MKNK1: variants seen among roughly 807,000 people sequenced by gnomAD.
MKNK1 encodes the protein MAPK interacting serine/threonine kinase 1.
MKNK1 carries 30 observed loss-of-function variants against 49.3 expected under a neutral mutation model. The ratio of observed to expected loss-of-function variants is 0.61; its 90% confidence interval spans 0.46 to 0.83. The LOEUF is 0.83. Ranked by LOEUF, MKNK1 falls within the 40% of genes least tolerant of loss-of-function variation. The probability of loss-of-function intolerance (pLI) is 0.00; values close to 1 mark genes in which losing one functional copy is unlikely to be tolerated. For synonymous variants in MKNK1, 176 were observed against 201.7 expected, an observed-to-expected ratio of 0.87 and a Z score of 1.08; for missense variants, 423 against 524.7, an observed-to-expected ratio of 0.81 and a Z score of 1.89.
At chr1:46,560,111 A>G in intron 12 of MKNK1, 123 bp downstream of exon 12, 1 of 1,055,648 alleles carries the variant, frequency 9.5e-7, no homozygotes, top group South Asian at 1.3e-5. Context: ...AGGAGGGGAA[A>G]TGGGCAGGGA....
At chr1:46,595,808 G>A (rs1039347303) in intron 1 of MKNK1, among the ~76,000 whole-genome samples, 5 of 152,210 alleles carry the variant, frequency 3.3e-5, no homozygotes, top group Non-Finnish European at 5.9e-5. Context: ...CTGGAGTGCA[G>A]TGGCATGATC....
chr1:46,589,123 T>C lies in MKNK1; in HGVS notation c.-3+4990A>G, dbSNP rs1673011234. 6.6e-6 allele frequency among the ~76,000 whole-genome samples: 1 copy of C among 152,238 alleles called. No homozygotes were observed. Among genetic ancestry groups the C allele is most frequent in the Admixed American group, 6.5e-5 (1 of 15,292 alleles). On this transcript the variant is annotated intron_variant, in intron 2 of 12. Transcript: ENST00000371945. This position sits in a 1 kb window ranked among gnomAD's most constrained non-coding sequence, Gnocchi z 4.3. ...CGTCTGGTGCTAGACAGTGAGAGTATAAGAGAAGACACAGTCTCTTCCCTG... is the reference window on the plus strand; with the variant it reads ...CGTCTGGTGCTAGACAGTGAGAGTACAAGAGAAGACACAGTCTCTTCCCTG...
At chr1:46,563,100 G>T in intron 9 of MKNK1, 1 of 428,480 alleles carries the variant, frequency 2.3e-6, no homozygotes, top group Non-Finnish European at 4.1e-6. Context: ...AGTAGGCAAA[G>T]ACCCTTGGCC....
At chr1:46,576,121 TG>T in intron 5 of MKNK1, 1 of 158,120 alleles carries the variant, frequency 6.3e-6, no homozygotes, top group East Asian at 1.9e-4. Flanking sequence ...CCCAGCTATC[TG>T]GAAGGTTCCA....
At chr1:46,581,647 C>T (rs946820160) in intron 3 of MKNK1, among the ~76,000 whole-genome samples, 1 of 151,798 alleles carries the variant, frequency 6.6e-6, no homozygotes, top group African/African-American at 2.4e-5. Flanking sequence ...TGTGTAAGCA[C>T]TGGCTATACA....
chr1:46,572,913 T>C (rs987869009), intron 6 of MKNK1, among the ~76,000 whole-genome samples: 2 of 152,096 alleles, frequency 1.3e-5, no homozygotes, highest in African/African-American at 2.4e-5. Context: ...TTGCCAGACA[T>C]GTAAAGGCCT....
chr1:46,576,806 G>C lies in MKNK1; in HGVS notation c.199-152C>G, dbSNP rs549471102. The C allele has an allele frequency of 2.2e-5, 15 of 683,102 alleles. No homozygotes were observed. In the South Asian group the frequency reaches 2.5e-4, roughly 12 times the overall value. The allele number at this position is 683,102 out of a possible 1,614,324, so 42.3% of individuals were successfully genotyped here. On this transcript the variant is annotated intron_variant, in intron 4 of 12. Transcript: ENST00000371945. ...AGGCCTTGGTGACACCGGCACTGTG[G>C]CTCTGTTGGCAAAGCAGCAGACTGG...
At chr1:46,594,802 C>T in intron 1 of MKNK1, 1 of 375,198 alleles carries the variant, frequency 2.7e-6, no homozygotes, top group South Asian at 2.0e-5. Context: ...CAAGACCAGC[C>T]TGGGCAACAT....
intron 3 of MKNK1, among the ~76,000 whole-genome samples, chr1:46,581,097 A>G (rs1463444080): frequency 6.6e-6 from 1 of 152,160 alleles, no homozygotes; most frequent in Non-Finnish European, 1.5e-5. Flanking sequence ...TAAGGGTCGC[A>G]GTCCAGTGGG....
intron 7 of MKNK1, 43 bp from the exon 8 acceptor site, chr1:46,568,541 A>G: frequency 6.4e-7 from 1 of 1,561,268 alleles, no homozygotes; most frequent in Non-Finnish European, 8.8e-7. Flanking sequence ...ATATGCAGAT[A>G]ATTATCAAAC....
Position 46,561,592 on chromosome 1 carries a change from C to T in MKNK1, c.855G>A (p.Lys285=), listed in dbSNP as rs774141633. The T allele has an allele frequency of 8.1e-6, 13 of 1,614,050 alleles. No homozygotes were observed. The Admixed American group carries it at 1.0e-4, about 12-fold the overall frequency. The change falls in exon 11 of 13, where the codon AAG becomes AAA. Residue 285 remains lysine (K), a synonymous_variant. Transcript: ENST00000371945. The part of the protein sequence containing the change: ...IQEGKYEFPD[K]DWAHISSEAK... ...CTTCACTGGAGATGTGTGCCCAGTC[C>T]TTGTCAGGAAACTCATACTTGCCTT...
chr1:46,562,988 T>G, intron 9 of MKNK1, 145 bp from the exon 10 acceptor site: 1 of 649,964 alleles, frequency 1.5e-6, no homozygotes, highest in African/African-American at 1.9e-5. Context: ...GGCCAGCCAG[T>G]GAGCCGCCTG....
chr1:46,584,534 T>C (rs1672228774), intron 2 of MKNK1: 1 of 151,086 alleles, frequency 6.6e-6, no homozygotes, highest in Admixed American at 6.6e-5. Context: ...GCTTTTAAAA[T>C]GGAAGCTGGT....
At chr1:46,563,188 G>A (rs1216860636) in intron 9 of MKNK1, among the ~76,000 whole-genome samples, 1 of 152,172 alleles carries the variant, frequency 6.6e-6, no homozygotes, top group Non-Finnish European at 1.5e-5. Flanking sequence ...AATGCACCAA[G>A]AATGTGGCTC....
intron 1 of MKNK1, among the ~76,000 whole-genome samples, chr1:46,597,194 T>C (rs1674182811): frequency 6.6e-6 from 1 of 151,862 alleles, no homozygotes; most frequent in Non-Finnish European, 1.5e-5. Flanking sequence ...AGGCTGGGCC[T>C]GGCGAGGCAC....
At chr1:46,559,752 C>G (rs536447465) in intron 12 of MKNK1, 1 of 168,838 alleles carries the variant, frequency 5.9e-6, no homozygotes, top group African/African-American at 2.4e-5. Context: ...TCAAGCGATT[C>G]TCCTGCCTCA....
At chr1:46,585,796 C>T (rs991583983) in intron 2 of MKNK1, 30 of 754,116 alleles carry the variant, frequency 4.0e-5, no homozygotes, top group African/African-American at 1.6e-4. Flanking sequence ...GCCGCTTGCA[C>T]GAGAAGCATA....
At chr1:46,572,017 A>G (rs1384870101) in intron 7 of MKNK1, 46 bp downstream of exon 7, 2 of 1,562,476 alleles carry the variant, frequency 1.3e-6, no homozygotes, top group Non-Finnish European at 8.8e-7. Context: ...TGGTACCCAG[A>G]GGCTGGCCAG....
At chr1:46,598,276 G>A (rs1674327836) in intron 1 of MKNK1, among the ~76,000 whole-genome samples, 2 of 152,146 alleles carry the variant, frequency 1.3e-5, no homozygotes, top group African/African-American at 4.8e-5. Flanking sequence ...AGTAATATAT[G>A]TGCTGCTCTG....
Sources: gnomAD v4.1 joint callset for allele counts (sites outside exome capture counted in the v4.1 genomes callset) on GRCh38, gnomAD v4.1.1 for gene constraint, Gnocchi (gnomAD v3.1) non-coding constraint, MANE v1.5 for transcripts, NCBI Gene and HGNC (gene_info 2026-07-23, HGNC 2026-07-21) for gene names.